The following RABEP1 variants were observed in gnomAD, a reference collection of about 807,000 sequenced individuals.
RABEP1 encodes the protein rab GTPase-binding effector protein 1.
RABEP1 carries 51 observed loss-of-function variants against 123.4 expected under a neutral mutation model. The ratio of observed to expected loss-of-function variants is 0.41; its 90% CI spans 0.33 to 0.52. The LOEUF (loss-of-function observed/expected upper bound fraction) is 0.52, where lower values mean the gene tolerates loss of function less well. Ranked by LOEUF, RABEP1 falls within the 20% of genes least tolerant of loss-of-function variation. The probability of loss-of-function intolerance (pLI) is 0.16; values close to 1 mark genes in which losing one functional copy is unlikely to be tolerated. For missense variants in RABEP1, 888 were observed against 996.3 expected, an observed-to-expected ratio of 0.89 and a Z score of 1.46; for synonymous variants, 347 against 355.2, an observed-to-expected ratio of 0.98 and a Z score of 0.26.
intron 1 of RABEP1, among the ~76,000 whole-genome samples, chr17:5,291,020 A>G (rs1201190877): frequency 6.6e-6 from 1 of 152,238 alleles, no homozygotes; most frequent in Admixed American, 6.5e-5. Context: ...CATTCTAGCT[A>G]TCCCTCAGGC....
chr17:5,290,912 T>A (rs1332176392), intron 1 of RABEP1, among the ~76,000 whole-genome samples: 1 of 152,220 alleles, frequency 6.6e-6, no homozygotes, highest in Non-Finnish European at 1.5e-5. Flanking sequence ...TTATATTTTT[T>A]AATCCTTCTG....
chr17:5,321,821 G>A (rs1001758499), intron 2 of RABEP1, among the ~76,000 whole-genome samples: 3 of 152,200 alleles, frequency 2.0e-5, no homozygotes, highest in African/African-American at 7.2e-5. Flanking sequence ...ATTGCTTTGG[G>A]AGGCCTAGTT....
chr17:5,327,620 G>A (rs1366947905), intron 2 of RABEP1, among the ~76,000 whole-genome samples: 3 of 152,134 alleles, frequency 2.0e-5, no homozygotes, highest in East Asian at 1.9e-4. Context: ...TGCCATGAGT[G>A]TATGGTTACT....
At chr17:5,317,645 A>G (rs2144553677) in intron 2 of RABEP1, among the ~76,000 whole-genome samples, 1 of 147,842 alleles carries the variant, frequency 6.8e-6, no homozygotes, top group South Asian at 2.3e-4. Flanking sequence ...ATATATATAT[A>G]TATGTAGTTT....
intron 1 of RABEP1, among the ~76,000 whole-genome samples, chr17:5,294,633 C>CTTTGTTTTTTTTT (rs2075063758): frequency 1.9e-5 from 1 of 53,024 alleles, no homozygotes; most frequent in Non-Finnish European, 3.4e-5. Context: ...ACGGTATTGT[C>CTTTGTTTTTTTTT]TTTTTTTTTT....
chr17:5,311,699 A>T, intron 2 of RABEP1, among the ~76,000 whole-genome samples: 1 of 83,956 alleles, frequency 1.2e-5, no homozygotes, highest in South Asian at 2.6e-4. Flanking sequence ...CTTCATCTCA[A>T]AAAAAAAAAA....
intron 1 of RABEP1, among the ~76,000 whole-genome samples, chr17:5,291,501 A>G (rs912972549): frequency 6.6e-6 from 1 of 152,234 alleles, no homozygotes; most frequent in African/African-American, 2.4e-5. Flanking sequence ...AAATAAAAAT[A>G]TTTTAAAACA....
In RABEP1 at chr17:5,383,151, C is replaced by G; in HGVS notation, c.2517C>G (p.Asp839Glu). 6.2e-7 allele frequency: 1 copy of G among 1,614,126 alleles called. No individual in the cohort carries two copies. The highest frequency in any genetic ancestry group is 8.5e-7 in the Non-Finnish European group (1 of 1,180,032). The stretch of plus-strand genomic sequence containing the variant: ...AGTTAGAGCGGATCCGGCAAGCTGA[C>G]TCCTTGGAGAGAATCCGGGCAATTC... Reference protein sequence around the residue: ...QVQLERIRQADSLERIRAILN... With the variant: ...QVQLERIRQAESLERIRAILN... The change falls in exon 18 of 18, where the codon GAC becomes GAG. Residue 839 changes from aspartate (D) to glutamate (E), a missense_variant. Asp to Glu is a conservative substitution (Grantham distance 45). Transcript: ENST00000537505.
At chr17:5,343,670 CTTTT>C (rs753410845) in intron 5 of RABEP1, among the ~76,000 whole-genome samples, 295 of 99,916 alleles carry the variant, frequency 3.0e-3, no homozygotes, top group Middle Eastern at 0.013. Flanking sequence ...TTTCTTTTCT[CTTTT>C]TTTTTTTTTT....
In RABEP1 at chr17:5,332,125, G is replaced by A. The variant is rs1232524929; in HGVS notation, c.340G>A (p.Val114Ile). 5 of 1,613,926 alleles carry A rather than the reference G, an allele frequency of 3.1e-6. No homozygotes were observed. Residue 114 changes from valine to isoleucine, a missense_variant, in exon 3 of 18, where the codon GTT (valine) becomes ATT (isoleucine). Physicochemically the swap from Val to Ile is conservative, Grantham distance 29 (BLOSUM62 3). Coordinates refer to ENST00000537505, the MANE Select transcript of RABEP1 (RefSeq NM_004703.6). ...DEVKRQWREEVASLQAVMKET... is the reference protein window; with the variant it reads ...DEVKRQWREEIASLQAVMKET... ...AGTGAAAAGACAGTGGAGAGAAGAA[G>A]TTGCTTCACTTCAGGCTGTTATGAA...
intron 7 of RABEP1, among the ~76,000 whole-genome samples, chr17:5,351,230 A>AG (rs1398323738): frequency 2.6e-5 from 4 of 152,242 alleles, no homozygotes; most frequent in Admixed American, 1.3e-4. Context: ...CTGCATATTC[A>AG]GGTTCCTGTT....
chr17:5,367,678 C>T (rs1910173438), intron 11 of RABEP1, among the ~76,000 whole-genome samples: 2 of 149,758 alleles, frequency 1.3e-5, no homozygotes, highest in African/African-American at 4.9e-5. Context: ...TCAGAACTAT[C>T]TTCTGTTCAG....
intron 13 of RABEP1, among the ~76,000 whole-genome samples, chr17:5,374,985 C>G (rs1910869360): frequency 6.6e-6 from 1 of 152,006 alleles, no homozygotes; most frequent in Admixed American, 6.6e-5. Flanking sequence ...CCATGTTGGC[C>G]AGGCTGGTCT....
chr17:5,311,697 CAAAAAA>C (rs35876639), intron 2 of RABEP1, among the ~76,000 whole-genome samples: 1 of 70,868 alleles, frequency 1.4e-5, no homozygotes, highest in Admixed American at 2.1e-4. Flanking sequence ...GACTTCATCT[CAAAAAA>C]AAAAAAAAAA....
At position 5,329,841 on chromosome 17, in the gene RABEP1, A is replaced by C. The variant is rs1597361136; in HGVS notation, c.164-2108A>C. On this transcript the variant is annotated intron_variant, in intron 2 of 17. Coordinates refer to ENST00000537505, the MANE Select transcript of RABEP1 (RefSeq NM_004703.6). ...TTCATATATATATATATATATATAT[A>C]TATAACTAAAGTTACTGTTGACCAA... Among the ~76,000 whole-genome samples the C allele has an allele frequency of 2.2e-5, 3 of 133,554 alleles. No individual in the cohort carries two copies. The East Asian group carries it at 7.3e-4, about 33-fold the overall frequency. The allele number at this position is 133,554 out of a possible 152,430, so 87.6% of individuals were successfully genotyped here.
chr17:5,296,110 C>T (rs539088295), intron 1 of RABEP1, among the ~76,000 whole-genome samples: 12 of 152,206 alleles, frequency 7.9e-5, no homozygotes, highest in African/African-American at 1.4e-4. Context: ...TTTGTTTTTG[C>T]GCACTTCAGA....
chr17:5,289,851 G>T (rs2075016243), intron 1 of RABEP1, among the ~76,000 whole-genome samples: 1 of 152,102 alleles, frequency 6.6e-6, no homozygotes. Context: ...AAAAACAAAA[G>T]CCCTGCACTT....
At chr17:5,378,433 T>C in intron 15 of RABEP1, 1 of 657,298 alleles carries the variant, frequency 1.5e-6, no homozygotes. Context: ...TACGTTAAAC[T>C]GGAGGAGGTA....
chr17:5,293,220 G>C (rs2075049335), intron 1 of RABEP1, among the ~76,000 whole-genome samples: 1 of 152,044 alleles, frequency 6.6e-6, no homozygotes, highest in Non-Finnish European at 1.5e-5. Flanking sequence ...CTGGGAGGTA[G>C]AGGTTGCAGT....
Sources: allele counts gnomAD v4.1 joint callset (sites outside exome capture counted in the v4.1 genomes callset), GRCh38; gene constraint gnomAD v4.1.1; transcripts MANE v1.5; gene names NCBI Gene and HGNC (gene_info 2026-07-23, HGNC 2026-07-21).